The following ZBTB7C variants were observed in gnomAD, a reference collection of about 807,000 sequenced individuals.
ZBTB7C encodes zinc finger and BTB domain-containing protein 7C.
A neutral mutation model predicts 25.7 loss-of-function variants in ZBTB7C; 8 were observed. That is an observed-to-expected ratio of 0.31 (90% CI 0.18 to 0.56). The LOEUF (loss-of-function observed/expected upper bound fraction) is 0.56. Among genes scored for constraint, ZBTB7C ranks in the 20% least tolerant of loss-of-function variants. The pLI is 0.91. For synonymous variants in ZBTB7C, 394 were observed against 369.0 expected (o/e 1.07, Z -0.78); for missense variants, 824 against 855.2 (o/e 0.96, Z 0.46).
intron 2 of ZBTB7C, among the ~76,000 whole-genome samples, chr18:48,254,574 G>A (rs1201568080): frequency 2.0e-5 from 3 of 151,846 alleles, no homozygotes; most frequent in Admixed American, 6.6e-5. Flanking sequence ...TAAACTTTCC[G>A]CTCCTTACCC....
chr18:48,185,836 C>T (rs375289417), intron 3 of ZBTB7C, 98 bp downstream of exon 3: 81 of 152,342 alleles, frequency 5.3e-4, no homozygotes, highest in African/African-American at 1.9e-3. Context: ...AAAGCCAATC[C>T]CATCCAGGTC....
chr18:48,107,097 GA>G (rs2039057626), intron 3 of ZBTB7C, among the ~76,000 whole-genome samples: 1 of 151,046 alleles, frequency 6.6e-6, no homozygotes, highest in African/African-American at 2.4e-5. Context: ...GGAAAGGAGA[GA>G]GGGGAGGAGA....
chr18:48,336,084 T>A (rs572560145), intron 2 of ZBTB7C, among the ~76,000 whole-genome samples: 1 of 152,268 alleles, frequency 6.6e-6, no homozygotes, highest in Admixed American at 6.5e-5. Flanking sequence ...TTCTCAACAC[T>A]TCTCTAAATT....
intron 3 of ZBTB7C, among the ~76,000 whole-genome samples, chr18:48,064,605 T>C (rs1230778909): frequency 6.6e-6 from 1 of 152,200 alleles, no homozygotes; most frequent in Non-Finnish European, 1.5e-5. Context: ...TAGCTGGGCA[T>C]GGTGGCATGC....
chr18:48,190,122 C>T (rs1002430396), intron 2 of ZBTB7C, among the ~76,000 whole-genome samples: 5 of 152,102 alleles, frequency 3.3e-5, no homozygotes, highest in African/African-American at 4.8e-5. Flanking sequence ...GCCTTGGGTG[C>T]GGGCAGATGC....
At chr18:48,319,935 G>C (rs1054818388) in intron 2 of ZBTB7C, among the ~76,000 whole-genome samples, 1 of 152,156 alleles carries the variant, frequency 6.6e-6, no homozygotes, top group Admixed American at 6.5e-5. Context: ...GCTAGAAACT[G>C]TCTGGGCCGT....
chr18:48,175,730 TCTCTTCTC>T (rs2041652997), intron 3 of ZBTB7C, among the ~76,000 whole-genome samples: 1 of 152,098 alleles, frequency 6.6e-6, no homozygotes, highest in African/African-American at 2.4e-5. Flanking sequence ...AGCCTGGAAA[TCTCTTCTC>T]ATACCAGAAA....
intron 3 of ZBTB7C, chr18:48,162,199 A>G (rs955629638): frequency 2.9e-6 from 1 of 346,242 alleles, no homozygotes; most frequent in African/African-American, 2.1e-5. Flanking sequence ...CCGAGGCGCA[A>G]ACACCACCCC....
intron 2 of ZBTB7C, among the ~76,000 whole-genome samples, chr18:48,239,508 A>G (rs1038573865): frequency 1.3e-5 from 2 of 152,188 alleles, no homozygotes; most frequent in African/African-American, 4.8e-5. Flanking sequence ...GCTTACATCC[A>G]TGACTGACAG....
chr18:48,323,867 G>T (rs1568376334), intron 2 of ZBTB7C, among the ~76,000 whole-genome samples: 1 of 152,094 alleles, frequency 6.6e-6, no homozygotes, highest in African/African-American at 2.4e-5. Context: ...TGGTCTGAAT[G>T]TGTGTATACT....
chr18:48,200,623 A>G (rs1042353766), intron 2 of ZBTB7C, among the ~76,000 whole-genome samples: 7 of 152,214 alleles, frequency 4.6e-5, no homozygotes, highest in African/African-American at 1.4e-4. Flanking sequence ...TAGCAGACAG[A>G]TGCCCGTCAA....
At chr18:48,409,801 C>A (rs1568432607), upstream of ZBTB7C, among the ~76,000 whole-genome samples, 1 of 152,070 alleles carries the variant, frequency 6.6e-6, no homozygotes, top group East Asian at 1.9e-4. Context: ...TCTTTCTTTC[C>A]TTTTTTCTCT....
At position 48,044,883 on chromosome 18, in the gene ZBTB7C, TC is replaced by T. The variant is rs1172854697; in HGVS notation, c.-16-3761del. Among the ~76,000 whole-genome samples, 5 of 152,344 alleles carry T rather than the reference TC, an allele frequency of 3.3e-5. No individual in the cohort carries two copies. The East Asian group carries it at 9.7e-4, about 29-fold the overall frequency. Reference sequence around the variant, plus strand: ...ACGCATTTAGCTCCTATTGTTACCATCGTTCCCATTTTACAGATGAGGGAAA... The same window carrying T: ...ACGCATTTAGCTCCTATTGTTACCATGTTCCCATTTTACAGATGAGGGAAA... On this transcript the variant is annotated intron_variant, in intron 3 of 4. Coordinates refer to ENST00000590800, the MANE Select transcript of ZBTB7C (RefSeq NM_001318841.2).
Position 48,149,891 on chromosome 18 carries a change from C to T in ZBTB7C, c.-17+36043G>A, listed in dbSNP as rs2040620574. 3 of 151,006 alleles carry T rather than the reference C, an allele frequency of 2.0e-5. No individual in the cohort carries two copies. In the South Asian group the frequency reaches 6.3e-4, roughly 32 times the overall value. The allele number at this position is 151,006 out of a possible 1,614,324, so 9.4% of individuals were successfully genotyped here. A position where few individuals can be genotyped will look rare whatever the true frequency, so the allele number is the denominator to read the frequency against. On this transcript the variant is annotated intron_variant, in intron 3 of 4. Coordinates refer to ENST00000590800, the MANE Select transcript of ZBTB7C (RefSeq NM_001318841.2). The stretch of plus-strand genomic sequence containing the variant: ...TAATCTCGGCTCACTGCAACCTCCA[C>T]CTTCCGGGTTCCAGTGATTCTCTTG...
chr18:48,231,930 C>T (rs946673017), intron 2 of ZBTB7C, among the ~76,000 whole-genome samples: 2 of 152,214 alleles, frequency 1.3e-5, no homozygotes, highest in Non-Finnish European at 2.9e-5. Context: ...GGTACCTGTG[C>T]CAGTGCCTGG....
intron 3 of ZBTB7C, among the ~76,000 whole-genome samples, chr18:48,052,687 C>T (rs1043807412): frequency 1.3e-5 from 2 of 152,174 alleles, no homozygotes; most frequent in African/African-American, 4.8e-5. Flanking sequence ...AGGCCAAAAC[C>T]CTCTGGGGGA....
In ZBTB7C at chr18:48,074,450, T is replaced by C. The variant is rs140497246; in HGVS notation, c.-16-33327A>G. 2.9e-3 allele frequency among the ~76,000 whole-genome samples: 449 copies of C among 152,342 alleles called. 5 individuals are homozygous for C. The South Asian group carries it at 0.034, about 12-fold the overall frequency. On this transcript the variant is annotated intron_variant, in intron 3 of 4. Transcript: ENST00000590800. ...CTGTCTCCATGGCCCTCTGGCCTGG[T>C]ACACAGTAGGTGCTCAGCAGACGAC... is the stretch of plus-strand genomic sequence containing the variant.
At chr18:48,233,920 C>A (rs551877255) in intron 2 of ZBTB7C, among the ~76,000 whole-genome samples, 1 of 152,282 alleles carries the variant, frequency 6.6e-6, no homozygotes, top group Non-Finnish European at 1.5e-5. Context: ...ATGGCCTCTC[C>A]TTTGAGGGTG....
At chr18:48,177,047 C>G (rs1164610888) in intron 3 of ZBTB7C, among the ~76,000 whole-genome samples, 1 of 152,238 alleles carries the variant, frequency 6.6e-6, no homozygotes, top group Non-Finnish European at 1.5e-5. Flanking sequence ...ATAGGGTGTG[C>G]TGGACATCTA....
Sources: allele counts gnomAD v4.1 joint callset (sites outside exome capture counted in the v4.1 genomes callset), GRCh38; gene constraint gnomAD v4.1.1; transcripts MANE v1.5; gene names NCBI Gene and HGNC (gene_info 2026-07-23, HGNC 2026-07-21).